The following TNFRSF11B variants were observed in gnomAD, a reference collection of about 807,000 sequenced individuals.
The protein encoded by TNFRSF11B is TNF receptor superfamily member 11b, also known as tumor necrosis factor receptor superfamily member 11B.
Under a neutral mutation model 43.4 loss-of-function variants are expected in TNFRSF11B, and 16 were observed. That is an observed-to-expected ratio of 0.37 (90% CI 0.25 to 0.56). The LOEUF is 0.56. TNFRSF11B is among the 20% of genes least tolerant of loss of function. The pLI, the probability that TNFRSF11B is intolerant of heterozygous loss-of-function variation, is 0.80. For missense variants in TNFRSF11B, 444 were observed against 490.1 expected, an observed-to-expected ratio of 0.91 and a Z score of 0.89; for synonymous variants, 185 against 181.8, an observed-to-expected ratio of 1.02 and a Z score of -0.14.
rs201393730 is a variant in TNFRSF11B, at chr8:118,926,611, C to T, written c.700G>A (p.Ala234Thr). 4.8e-4 allele frequency: 781 copies of T among 1,614,104 alleles called. No homozygotes were observed. The highest frequency in any genetic ancestry group is 6.3e-4 in the Non-Finnish European group (747 of 1,179,988). ...VDNLPGTKVNAESVERIKRQH... is the reference protein window; with the variant it reads ...VDNLPGTKVNTESVERIKRQH... ...CGTTTTATCCTCTCTACACTCTCTG[C>T]GTTTACTTTGGTGCCAGGCAAATTG... The change falls in exon 4 of 5, where the codon GCA becomes ACA. Residue 234 changes from alanine (A) to threonine (T), a missense_variant. Coordinates refer to ENST00000297350, the MANE Select transcript of TNFRSF11B (RefSeq NM_002546.4).
Position 118,951,806 on chromosome 8 carries a change from A to G in TNFRSF11B, c.16T>C (p.Cys6Arg). ...CAGGGACTTACCACGAGCGCGCAGC[A>G]CAGCAAGTTGTTCATTGTGGTCCCC... Reference protein sequence around the residue: MNNLLCCALVFLDISI... With the variant: MNNLLRCALVFLDISI... The change falls in exon 1 of 5, where the codon TGC becomes CGC. Residue 6 changes from cysteine to arginine, a missense_variant. Cys to Arg is a radical substitution (Grantham distance 180). Transcript: ENST00000297350. 1 of 1,594,062 alleles carries G rather than the reference A, an allele frequency of 6.3e-7. No homozygotes were observed. The highest frequency in any genetic ancestry group is 8.5e-7 in the Non-Finnish European group (1 of 1,170,520).
intron 2 of TNFRSF11B, chr8:118,929,209 G>C: frequency 6.4e-6 from 3 of 470,470 alleles, no homozygotes; most frequent in Non-Finnish European, 7.8e-6. Flanking sequence ...AGAAGGGTAG[G>C]GTGTTCATTA....
intron 1 of TNFRSF11B, among the ~76,000 whole-genome samples, chr8:118,948,028 T>C (rs548258782): frequency 2.0e-5 from 3 of 152,350 alleles, no homozygotes; most frequent in African/African-American, 7.2e-5. Context: ...AGGTAAAATA[T>C]ATGCACTCTG....
At chr8:118,932,888 C>G (rs1303830842) in intron 2 of TNFRSF11B, 43 bp downstream of exon 2, 4 of 1,612,776 alleles carry the variant, frequency 2.5e-6, no homozygotes, top group Non-Finnish European at 3.4e-6. Flanking sequence ...AACTATCTGA[C>G]TTTGCATGAT....
chr8:118,951,737 G>A, intron 1 of TNFRSF11B, 55 bp downstream of exon 1: 1 of 1,532,476 alleles, frequency 6.5e-7, no homozygotes, highest in African/African-American at 1.4e-5. Context: ...TGGGAGACCA[G>A]GTGGCAGCAG....
chr8:118,936,540 C>G (rs1019881366), intron 1 of TNFRSF11B, among the ~76,000 whole-genome samples: 2 of 152,100 alleles, frequency 1.3e-5, no homozygotes, highest in Admixed American at 6.6e-5. Context: ...TGCTTATTTC[C>G]TGGAAAAGCG....
At chr8:118,945,964 G>A (rs1276371228) in intron 1 of TNFRSF11B, among the ~76,000 whole-genome samples, 1 of 152,064 alleles carries the variant, frequency 6.6e-6, no homozygotes, top group East Asian at 1.9e-4. Context: ...TTTTAAAGAA[G>A]ATGGCTTCAA....
At chr8:118,949,682 T>C (rs983247935) in intron 1 of TNFRSF11B, among the ~76,000 whole-genome samples, 3 of 152,216 alleles carry the variant, frequency 2.0e-5, no homozygotes, top group African/African-American at 4.8e-5. Flanking sequence ...TTTGCAACTC[T>C]ATATACACAA....
intron 1 of TNFRSF11B, among the ~76,000 whole-genome samples, chr8:118,942,537 G>A (rs907137398): frequency 1.5e-4 from 23 of 151,966 alleles, no homozygotes; most frequent in Admixed American, 4.6e-4. Context: ...TATGATGTGC[G>A]AAACATCATA....
chr8:118,940,810 T>C (rs374592993), intron 1 of TNFRSF11B, among the ~76,000 whole-genome samples: 3 of 152,188 alleles, frequency 2.0e-5, no homozygotes, highest in African/African-American at 7.2e-5. Context: ...ATCTTCCCAA[T>C]TGGCATCATT....
Position 118,924,175 on chromosome 8 carries a change from A to G in TNFRSF11B, c.*199T>C, listed in dbSNP as rs1402112836. ...CAGTAGATAACGATCCAGATCTGACAGTTGGATTAACCATTTGGGGTTTAT... is the reference window on the plus strand; with the variant it reads ...CAGTAGATAACGATCCAGATCTGACGGTTGGATTAACCATTTGGGGTTTAT... On this transcript the variant is annotated 3_prime_UTR_variant, in exon 5 of 5. Transcript: ENST00000297350. 8.5e-6 allele frequency: 5 copies of G among 590,018 alleles called. No individual in the cohort carries two copies. Among genetic ancestry groups the G allele is most frequent in the Non-Finnish European group, 9.0e-6 (3 of 332,252 alleles). The allele number at this position is 590,018 out of a possible 1,614,324, so 36.5% of individuals were successfully genotyped here.
chr8:118,928,283 A>G (rs1812274957), intron 3 of TNFRSF11B, among the ~76,000 whole-genome samples: 1 of 151,958 alleles, frequency 6.6e-6, no homozygotes, highest in South Asian at 2.1e-4. Flanking sequence ...TGGCCCCCCA[A>G]AATGTTGGGA....
chr8:118,948,601 T>C, intron 1 of TNFRSF11B, among the ~76,000 whole-genome samples: 1 of 78,680 alleles, frequency 1.3e-5, no homozygotes, highest in East Asian at 4.5e-4. Flanking sequence ...AGCTGTAGTT[T>C]CAGCTTAAGT....
At chr8:118,935,582 A>C (rs1265668827) in intron 1 of TNFRSF11B, among the ~76,000 whole-genome samples, 1 of 151,874 alleles carries the variant, frequency 6.6e-6, no homozygotes, top group Non-Finnish European at 1.5e-5. Flanking sequence ...TTCTATAATT[A>C]ATTCTCCTAT....
chr8:118,924,678 C>A lies in TNFRSF11B; in HGVS notation c.902G>T (p.Ser301Ile), dbSNP rs1357893239. The change falls in exon 5 of 5, where the codon AGC becomes ATC. Residue 301 changes from serine to isoleucine, a missense_variant. Transcript: ENST00000297350. ...TFEQLRSLME[S>I]LPGKKVGAED... Reference sequence around the variant, plus strand: ...TGCTCCCACTTTCTTTCCCGGTAAGCTTTCCATCAAGCTACGAAGCTGCTC... The same window carrying A: ...TGCTCCCACTTTCTTTCCCGGTAAGATTTCCATCAAGCTACGAAGCTGCTC... The A allele has an allele frequency of 1.9e-6, 3 of 1,614,162 alleles. No homozygotes were observed. The African/African-American group carries it at 4.0e-5, about 22-fold the overall frequency.
At chr8:118,930,407 G>A (rs1051773720) in intron 2 of TNFRSF11B, 5 of 154,352 alleles carry the variant, frequency 3.2e-5, no homozygotes, top group African/African-American at 1.2e-4. Flanking sequence ...TCTTTTTTGG[G>A]GGGAAGGCGG....
intron 2 of TNFRSF11B, among the ~76,000 whole-genome samples, chr8:118,931,489 C>T (rs1812327935): frequency 6.6e-6 from 1 of 152,154 alleles, no homozygotes; most frequent in Admixed American, 6.5e-5. Context: ...TCTACATATA[C>T]AACTTACTGA....
chr8:118,943,967 A>T (rs1230592404), intron 1 of TNFRSF11B, among the ~76,000 whole-genome samples: 1 of 152,178 alleles, frequency 6.6e-6, no homozygotes, highest in African/African-American at 2.4e-5. Context: ...CAGAAGACAG[A>T]AGAGATCCTT....
At chr8:118,948,157 A>C (rs536489164) in intron 1 of TNFRSF11B, among the ~76,000 whole-genome samples, 13 of 152,202 alleles carry the variant, frequency 8.5e-5, no homozygotes, top group Non-Finnish European at 1.9e-4. Flanking sequence ...AAATATCCTG[A>C]TAATTTTGGC....
Sources: gnomAD v4.1 joint callset for allele counts (sites outside exome capture counted in the v4.1 genomes callset) on GRCh38, gnomAD v4.1.1 for gene constraint, MANE v1.5 for transcripts, NCBI Gene and HGNC (gene_info 2026-07-23, HGNC 2026-07-21) for gene names.